RFC3: variants seen among roughly 807,000 people sequenced by gnomAD.
RFC3 encodes the protein A1 38 kDa subunit.
Under a neutral mutation model 45.1 loss-of-function variants are expected in RFC3, and 41 were observed. The observed-to-expected ratio is 0.91, with a 90% confidence interval of 0.71 to 1.18. The LOEUF is 1.18. Ranked by LOEUF, RFC3 falls within the 50% of genes most tolerant of loss-of-function variation. RFC3 has a pLI of 0.00. For synonymous variants in RFC3, 149 were observed against 144.0 expected (o/e 1.03, Z -0.25); for missense variants, 423 against 428.1 (o/e 0.99, Z 0.10).
intron 8 of RFC3, among the ~76,000 whole-genome samples, chr13:33,944,598 G>A (rs1459526159): frequency 6.6e-6 from 1 of 152,020 alleles, no homozygotes; most frequent in Non-Finnish European, 1.5e-5. Context: ...TTCAACACAA[G>A]AATTTTGTGA....
chr13:33,823,484 G>A (rs2082022118), intron 2 of RFC3, among the ~76,000 whole-genome samples: 1 of 152,082 alleles, frequency 6.6e-6, no homozygotes, highest in Admixed American at 6.6e-5. Flanking sequence ...GATATATTAA[G>A]TAGGAAAAGC....
rs76490147 is a variant in RFC3 at position 33,835,542 on chromosome 13, A to C, written c.879+325A>C. ...ATGGAGGGTGGGGCTACAAAGAAAA[A>C]AGTGAAGTTCCACCCATCCGTTTTC... On this transcript the variant is annotated intron_variant, in intron 8 of 8. Transcript: ENST00000380071. The C allele has an allele frequency of 3.6e-3, 1,797 of 500,750 alleles. 33 individuals carry two copies. The highest frequency in any genetic ancestry group is 0.031 in the African/African-American group (1,626 of 51,796). The allele number at this position is 500,750 out of a possible 1,614,324, so 31.0% of individuals were successfully genotyped here. A position where few individuals can be genotyped will look rare whatever the true frequency, so the allele number is the denominator to read the frequency against.
intron 1 of RFC3, among the ~76,000 whole-genome samples, chr13:33,819,504 A>G (rs183052819): frequency 6.6e-6 from 1 of 152,206 alleles, no homozygotes; most frequent in Non-Finnish European, 1.5e-5. Context: ...AGAAATAATA[A>G]GAAAAGATTG....
rs764157567 is a variant in RFC3 at position 33,831,375 on chromosome 13, C to A, written c.809+21C>A. Reference sequence around the variant, plus strand: ...CAAAGGTACCAGTATAAAATGATGACAGTAAAGCTTTCATTATCAGGATAT... The same window carrying A: ...CAAAGGTACCAGTATAAAATGATGAAAGTAAAGCTTTCATTATCAGGATAT... On this transcript the variant is annotated intron_variant, in intron 7 of 8. Coordinates refer to ENST00000380071, the MANE Select transcript of RFC3 (RefSeq NM_002915.4). 4 of 1,313,760 alleles carry A rather than the reference C, an allele frequency of 3.0e-6. No individual in the cohort carries two copies. In the South Asian group the frequency reaches 4.7e-5, roughly 16 times the overall value. The allele number at this position is 1,313,760 out of a possible 1,614,324, so 81.4% of individuals were successfully genotyped here.
intron 8 of RFC3, chr13:33,847,508 T>C (rs1192963689): frequency 6.6e-6 from 1 of 152,098 alleles, no homozygotes; most frequent in Non-Finnish European, 1.5e-5. Context: ...ATAGTTGTTA[T>C]CTACTGTAAG....
chr13:33,884,035 C>T (rs1354079678), intron 8 of RFC3, among the ~76,000 whole-genome samples: 3 of 152,140 alleles, frequency 2.0e-5, no homozygotes, highest in African/African-American at 7.2e-5. Context: ...GTGCATATGG[C>T]ACAGTCAGAA....
chr13:33,897,333 G>A (rs2082606913), intron 8 of RFC3, among the ~76,000 whole-genome samples: 1 of 151,708 alleles, frequency 6.6e-6, no homozygotes, highest in African/African-American at 2.4e-5. Context: ...TCTAAGATAA[G>A]TCATCAACTC....
intron 4 of RFC3, among the ~76,000 whole-genome samples, chr13:33,829,059 T>G (rs1254578689): frequency 1.3e-5 from 2 of 152,184 alleles, no homozygotes; most frequent in East Asian, 3.8e-4. Context: ...GGTTCTTTGT[T>G]TTGGAATCTT....
chr13:33,914,474 A>G (rs2082721544), intron 8 of RFC3, among the ~76,000 whole-genome samples: 1 of 152,136 alleles, frequency 6.6e-6, no homozygotes, highest in African/African-American at 2.4e-5. Context: ...GTGTACACAC[A>G]TGGCTGATGA....
chr13:33,852,424 A>G (rs2082282196), intron 8 of RFC3, among the ~76,000 whole-genome samples: 1 of 152,146 alleles, frequency 6.6e-6, no homozygotes, highest in African/African-American at 2.4e-5. Context: ...CTTCTGGCCT[A>G]ATTTCTATCA....
At position 33,836,049 on chromosome 13, in the gene RFC3, G is replaced by A. The variant is rs3135632; in HGVS notation, c.880-55G>A. On this transcript the variant is annotated intron_variant, in intron 8 of 8. Coordinates refer to ENST00000380071, the MANE Select transcript of RFC3 (RefSeq NM_002915.4). Reference sequence around the variant, plus strand: ...TCTTTTTGTGAATGGGAGAAATAAGGCATGCTTAGCTGTTTTTATTAATGA... The same window carrying A: ...TCTTTTTGTGAATGGGAGAAATAAGACATGCTTAGCTGTTTTTATTAATGA... The A allele has an allele frequency of 1.1e-5, 16 of 1,518,630 alleles. No homozygotes were observed. The African/African-American group carries it at 1.8e-4, about 17-fold the overall frequency. 94.1% of individuals were successfully genotyped at this position (1,518,630 alleles called of 1,614,324 possible).
At chr13:33,962,543 C>T (rs1405318614) in intron 8 of RFC3, among the ~76,000 whole-genome samples, 1 of 152,164 alleles carries the variant, frequency 6.6e-6, no homozygotes, top group Non-Finnish European at 1.5e-5. Context: ...ACTTCTGGGG[C>T]ATATCCTAAG....
chr13:33,825,710 C>T, intron 3 of RFC3, 79 bp from the exon 4 acceptor site: 3 of 673,376 alleles, frequency 4.5e-6, no homozygotes, highest in Admixed American at 7.0e-5. Flanking sequence ...AAAATTTTGA[C>T]CACTTAAGAA....
intron 8 of RFC3, among the ~76,000 whole-genome samples, chr13:33,857,573 G>A (rs1438771194): frequency 7.3e-6 from 1 of 137,198 alleles, no homozygotes; most frequent in Non-Finnish European, 1.6e-5. Context: ...AAACTGGGGA[G>A]TGTTAGTGGG....
At chr13:33,820,189 G>A (rs867928551) in intron 1 of RFC3, among the ~76,000 whole-genome samples, 4 of 152,124 alleles carry the variant, frequency 2.6e-5, no homozygotes, top group South Asian at 4.1e-4. Flanking sequence ...AGAAACACCC[G>A]AAAAGCTTTT....
At chr13:33,834,367 G>A (rs1403009551) in intron 7 of RFC3, among the ~76,000 whole-genome samples, 1 of 135,414 alleles carries the variant, frequency 7.4e-6, no homozygotes, top group East Asian at 2.2e-4. Context: ...TTCCCTTTAA[G>A]AATGTGTATT....
the RFC3 span, among the ~76,000 whole-genome samples, chr13:33,975,668 T>C: frequency 6.6e-6 from 1 of 152,112 alleles, no homozygotes; most frequent in South Asian, 2.1e-4. Context: ...CCTAAGTAAC[T>C]TTGACAATGA....
intron 8 of RFC3, among the ~76,000 whole-genome samples, chr13:33,918,475 T>C (rs146872227): frequency 1.3e-5 from 2 of 152,176 alleles, no homozygotes; most frequent in African/African-American, 4.8e-5. Flanking sequence ...CTCACAGCAT[T>C]GTTGTAAGGA....
downstream of RFC3, among the ~76,000 whole-genome samples, chr13:33,967,052 G>A (rs938425664): frequency 6.6e-6 from 1 of 152,004 alleles, no homozygotes; most frequent in African/African-American, 2.4e-5. Flanking sequence ...AGTTACTCGG[G>A]AGGCTGAGGT....
Sources: allele counts gnomAD v4.1 joint callset (sites outside exome capture counted in the v4.1 genomes callset), GRCh38; gene constraint gnomAD v4.1.1; transcripts MANE v1.5; gene names NCBI Gene and HGNC (gene_info 2026-07-23, HGNC 2026-07-21).